NDC80: variants seen among roughly 807,000 people sequenced by gnomAD.
The protein encoded by NDC80 is kinetochore protein NDC80 homolog.
NDC80 carries 69 observed loss-of-function variants against 89.3 expected under a neutral mutation model. The ratio of observed to expected loss-of-function variants is 0.77; its 90% CI spans 0.64 to 0.94. NDC80 has a LOEUF of 0.94. Ranked by LOEUF, NDC80 falls within the 40% of genes least tolerant of loss-of-function variation. The probability of loss-of-function intolerance (pLI) is 0.00; values close to 1 mark genes in which losing one functional copy is unlikely to be tolerated. For synonymous variants in NDC80, 243 were observed against 255.6 expected (o/e 0.95, Z 0.47); for missense variants, 593 against 739.6 (o/e 0.80, Z 2.30).
At chr18:2,591,777 T>G (rs1453066051) in intron 10 of NDC80, among the ~76,000 whole-genome samples, 1 of 149,444 alleles carries the variant, frequency 6.7e-6, no homozygotes, top group Non-Finnish European at 1.5e-5. Flanking sequence ...TTTTTTGAGA[T>G]GTAGTCTTGC....
intron 11 of NDC80, among the ~76,000 whole-genome samples, chr18:2,598,032 T>G (rs910443625): frequency 1.3e-5 from 2 of 152,260 alleles, no homozygotes; most frequent in African/African-American, 4.8e-5. Flanking sequence ...TTCAATGTTA[T>G]GGGTAATACA....
At chr18:2,606,585 C>T (rs2072713017) in intron 14 of NDC80, 78 bp downstream of exon 14, 4 of 816,750 alleles carry the variant, frequency 4.9e-6, no homozygotes, top group Non-Finnish European at 1.9e-6. Context: ...ATTCTGACAT[C>T]AAAATCAAAA....
chr18:2,602,283 C>A (rs1376760933), intron 13 of NDC80, among the ~76,000 whole-genome samples: 1 of 152,004 alleles, frequency 6.6e-6, no homozygotes, highest in Non-Finnish European at 1.5e-5. Context: ...GCTAGTAACC[C>A]ACAGAAAGAC....
chr18:2,613,460 T>C (rs1167456728), intron 16 of NDC80, among the ~76,000 whole-genome samples: 1 of 152,050 alleles, frequency 6.6e-6, no homozygotes, highest in Non-Finnish European at 1.5e-5. Context: ...TGATTAAGAG[T>C]ACAGAAATAG....
chr18:2,578,690 G>A (rs1385554500), intron 5 of NDC80, among the ~76,000 whole-genome samples: 1 of 152,188 alleles, frequency 6.6e-6, no homozygotes, highest in African/African-American at 2.4e-5. Flanking sequence ...GAGTAGTCCA[G>A]CATATTGGTT....
intron 6 of NDC80, 107 bp downstream of exon 6, chr18:2,579,136 G>T: frequency 1.7e-6 from 1 of 583,828 alleles, no homozygotes; most frequent in Non-Finnish European, 2.6e-6. Context: ...GTCTGCTTCA[G>T]AGTTTTCATT....
At chr18:2,608,966 C>A in intron 15 of NDC80, 136 bp downstream of exon 15, 1 of 900,806 alleles carries the variant, frequency 1.1e-6, no homozygotes. Context: ...GTATATAGAA[C>A]TTAAGTACAA....
At chr18:2,611,123 A>G (rs2072742285) in intron 16 of NDC80, among the ~76,000 whole-genome samples, 1 of 141,722 alleles carries the variant, frequency 7.1e-6, no homozygotes, top group Non-Finnish European at 1.5e-5. Context: ...GTCTCAACTC[A>G]CTGCAACCTC....
At chr18:2,591,847 C>T (rs773704224) in intron 10 of NDC80, among the ~76,000 whole-genome samples, 8 of 151,484 alleles carry the variant, frequency 5.3e-5, no homozygotes, top group East Asian at 1.9e-4. Flanking sequence ...CTCCGCCTCC[C>T]GGGTTCAAAT....
chr18:2,600,227 A>G (rs2072677393), intron 12 of NDC80, among the ~76,000 whole-genome samples: 1 of 152,076 alleles, frequency 6.6e-6, no homozygotes, highest in South Asian at 2.1e-4. Flanking sequence ...CATCTCTAGA[A>G]ATAGTTTTAC....
intron 10 of NDC80, among the ~76,000 whole-genome samples, chr18:2,590,474 T>C (rs189676337): frequency 5.3e-5 from 8 of 152,308 alleles, no homozygotes; most frequent in Admixed American, 3.9e-4. Flanking sequence ...CTGGCAGCAT[T>C]ACTGGGCTAT....
chr18:2,596,268 C>A (rs1313418707), intron 11 of NDC80, among the ~76,000 whole-genome samples: 1 of 152,022 alleles, frequency 6.6e-6, no homozygotes, highest in South Asian at 2.1e-4. Flanking sequence ...ATTTTCGCAA[C>A]CTACTCATCT....
At chr18:2,603,118 A>T (rs565640865) in intron 13 of NDC80, among the ~76,000 whole-genome samples, 2 of 152,224 alleles carry the variant, frequency 1.3e-5, no homozygotes, top group Admixed American at 1.3e-4. Flanking sequence ...AGCAGAAGCT[A>T]TAGATTCAGA....
At chr18:2,605,455 A>G (rs757049586) in intron 13 of NDC80, among the ~76,000 whole-genome samples, 26 of 152,176 alleles carry the variant, frequency 1.7e-4, no homozygotes, top group Non-Finnish European at 1.0e-4. Context: ...CTTTTGACCA[A>G]CCATGAGAAT....
At chr18:2,581,238 CGTA>C (rs1181151178) in intron 6 of NDC80, among the ~76,000 whole-genome samples, 12 of 152,094 alleles carry the variant, frequency 7.9e-5, no homozygotes, top group Non-Finnish European at 1.3e-4. Flanking sequence ...CAAATTTTCT[CGTA>C]GTATTTTGTA....
At chr18:2,601,684 C>T (rs2072684855) in intron 13 of NDC80, among the ~76,000 whole-genome samples, 199 bp downstream of exon 13, 1 of 152,046 alleles carries the variant, frequency 6.6e-6, no homozygotes, top group Non-Finnish European at 1.5e-5. Flanking sequence ...CTTCACACAT[C>T]ACATATGATG....
chr18:2,589,383 T>C (rs1327429148), intron 9 of NDC80, 73 bp downstream of exon 9: 1 of 1,004,156 alleles, frequency 1.0e-6, no homozygotes, highest in African/African-American at 1.6e-5. Flanking sequence ...ATTAGCTGTC[T>C]TTATCAAAAT....
At chr18:2,583,826 A>G (rs1214828431) in intron 6 of NDC80, among the ~76,000 whole-genome samples, 1 of 152,192 alleles carries the variant, frequency 6.6e-6, no homozygotes, top group Non-Finnish European at 1.5e-5. Context: ...TGCCTTTAGA[A>G]TAGGAAAGGG....
intron 11 of NDC80, among the ~76,000 whole-genome samples, chr18:2,596,218 G>A (rs1411675441): frequency 6.6e-6 from 1 of 152,130 alleles, no homozygotes; most frequent in African/African-American, 2.4e-5. Context: ...GGGAAGTATA[G>A]GGAAGGGTTA....
Sources: gnomAD v4.1 joint callset for allele counts (sites outside exome capture counted in the v4.1 genomes callset) on GRCh38, gnomAD v4.1.1 for gene constraint, MANE v1.5 for transcripts, NCBI Gene and HGNC (gene_info 2026-07-23, HGNC 2026-07-21) for gene names.